The following DAB1 variants were observed in gnomAD, a reference collection of about 807,000 sequenced individuals.
DAB1 encodes disabled homolog 1.
Under a neutral mutation model 64.6 loss-of-function variants are expected in DAB1, and 15 were observed. The observed-to-expected ratio is 0.23, with a 90% CI of 0.16 to 0.36. The LOEUF (loss-of-function observed/expected upper bound fraction) is 0.36. Ranked by LOEUF, DAB1 falls within the 10% of genes least tolerant of loss-of-function variation. DAB1 has a pLI of 1.00. For synonymous variants in DAB1, 235 were observed against 251.9 expected (o/e 0.93, Z 0.64); for missense variants, 596 against 706.7 (o/e 0.84, Z 1.78).
chr1:57,716,763 C>T (rs975669500), intron 6 of DAB1, among the ~76,000 whole-genome samples: 2 of 152,118 alleles, frequency 1.3e-5, no homozygotes, highest in African/African-American at 4.8e-5. Flanking sequence ...AGCTTCTGCA[C>T]AGCAAAGAAA....
rs1031275231 is a variant in DAB1, at chr1:56,997,233, A to G, written c.*911T>C. ...GCAAGATATCGGAAAAATAAAAAAT[A>G]TCATTTTATTGTACTTAGAGTTTAG... On this transcript the variant is annotated 3_prime_UTR_variant, in exon 15 of 15. Transcript: ENST00000371236. The G allele has an allele frequency of 6.6e-6, 1 of 152,232 alleles. No individual in the cohort carries two copies. The highest frequency in any genetic ancestry group is 1.5e-5 in the Non-Finnish European group (1 of 68,040). 9.4% of individuals were successfully genotyped at this position (152,232 alleles called of 1,614,324 possible).
intron 6 of DAB1, among the ~76,000 whole-genome samples, chr1:57,669,210 A>T (rs1436460643): frequency 6.6e-6 from 1 of 152,168 alleles, no homozygotes; most frequent in Non-Finnish European, 1.5e-5. Flanking sequence ...CTGAGAAAGA[A>T]AGATGAGACA....
Position 56,996,489 on chromosome 1 carries a change from T to TA in DAB1, c.*1654dup, listed in dbSNP as rs1204481558. On this transcript the variant is annotated 3_prime_UTR_variant, in exon 15 of 15. Coordinates refer to ENST00000371236, the MANE Select transcript of DAB1 (RefSeq NM_001365792.1). Reference sequence around the variant, plus strand: ...CACTGCACTTTTTGTCTCATAAGTGTAAAAAAAGGAAGCTTAGCCTCTTCT... The same window carrying TA: ...CACTGCACTTTTTGTCTCATAAGTGTAAAAAAAAGGAAGCTTAGCCTCTTCT... The TA allele has an allele frequency of 6.6e-6, 1 of 152,182 alleles. No homozygotes were observed. Among genetic ancestry groups the TA allele is most frequent in the Non-Finnish European group, 1.5e-5 (1 of 68,030 alleles). The allele number at this position is 152,182 out of a possible 1,614,324, so 9.4% of individuals were successfully genotyped here. A position where few individuals can be genotyped will look rare whatever the true frequency, so the allele number is the denominator to read the frequency against.
chr1:57,845,576 T>C (rs1383144242), intron 1 of DAB1, among the ~76,000 whole-genome samples: 1 of 152,174 alleles, frequency 6.6e-6, no homozygotes, highest in African/African-American at 2.4e-5. Flanking sequence ...GGAAACTCAG[T>C]TTTTGATATC....
chr1:57,750,031 A>G (rs1428488690), intron 6 of DAB1, among the ~76,000 whole-genome samples: 1 of 152,110 alleles, frequency 6.6e-6, no homozygotes, highest in Non-Finnish European at 1.5e-5. Flanking sequence ...GGTAAGGAAA[A>G]TAAGGATGGA....
At chr1:57,439,418 GTTTTTTCTT>G (rs538565751) in intron 7 of DAB1, among the ~76,000 whole-genome samples, 3,208 of 115,884 alleles carry the variant, frequency 0.028, 185 homozygotes, top group South Asian at 0.05. Context: ...TGGTGATGAG[GTTTTTTCTT>G]TTTTTTTTTT....
rs1005989740 is a variant in DAB1 at position 57,432,078 on chromosome 1, C to T, written n.626-140912G>A. On this transcript the variant is annotated intron_variant and non_coding_transcript_variant, in intron 7 of 20. Transcript: ENST00000485760. ...CGGAGGTTGCAGTGAGCTGAGATTA[C>T]ACCACCGCACTCCATCCTGGGCAAC... 4.7e-5 allele frequency among the ~76,000 whole-genome samples: 7 copies of T among 148,194 alleles called. No individual in the cohort carries two copies. The South Asian group carries it at 8.5e-4, about 18-fold the overall frequency.
At chr1:57,317,795 A>G (rs1478202090) in intron 1 of DAB1, among the ~76,000 whole-genome samples, 1 of 152,124 alleles carries the variant, frequency 6.6e-6, no homozygotes, top group African/African-American at 2.4e-5. Flanking sequence ...CACTAGTCTA[A>G]TATGAAGTTT....
Position 58,497,513 on chromosome 1 carries a change from G to A in DAB1, n.257+8547C>T, listed in dbSNP as rs140031194. 4.6e-5 allele frequency among the ~76,000 whole-genome samples: 7 copies of A among 152,228 alleles called. No individual in the cohort carries two copies. In the East Asian group the frequency reaches 7.7e-4, roughly 17 times the overall value. On this transcript the variant is annotated intron_variant and non_coding_transcript_variant, in intron 3 of 20. Transcript: ENST00000485760. ...ATATCATTCCAAAATAAGACTCCAG[G>A]AGACCAGACTATGCCACCCCAAATA... is the stretch of plus-strand genomic sequence containing the variant.
chr1:57,717,115 T>C (rs1647093104), intron 6 of DAB1, among the ~76,000 whole-genome samples: 1 of 151,880 alleles, frequency 6.6e-6, no homozygotes, highest in Admixed American at 6.6e-5. Flanking sequence ...GGTGGGCGCC[T>C]GTAATCCCAG....
chr1:57,844,742 G>A (rs1653205532), intron 1 of DAB1, among the ~76,000 whole-genome samples: 1 of 152,166 alleles, frequency 6.6e-6, no homozygotes, highest in Admixed American at 6.5e-5. Context: ...CAGGAAGAGA[G>A]AGATACTGGG....
rs201840541 is a variant in DAB1, at chr1:58,154,449, GTTC to G, written n.310-3864_310-3862del. Among the ~76,000 whole-genome samples the G allele has an allele frequency of 4.2e-4, 58 of 138,492 alleles. 1 individual carries two copies. The East Asian group carries it at 9.6e-3, about 23-fold the overall frequency. 90.9% of individuals were successfully genotyped at this position (138,492 alleles called of 152,430 possible). On this transcript the variant is annotated intron_variant and non_coding_transcript_variant, in intron 4 of 20. Transcript: ENST00000485760. ...ACAGACAGGAGTCCTGTGTCATGCAGTTCTTCATTCATTCATTCATTCATTCAT... is the reference window on the plus strand; with the variant it reads ...ACAGACAGGAGTCCTGTGTCATGCAGTTCATTCATTCATTCATTCATTCAT...
intron 6 of DAB1, among the ~76,000 whole-genome samples, chr1:57,780,422 G>A (rs1196168103): frequency 1.3e-5 from 2 of 152,106 alleles, no homozygotes; most frequent in Non-Finnish European, 2.9e-5. Flanking sequence ...AGAGAGGGCT[G>A]TTGTCTTGGG....
intron 1 of DAB1, among the ~76,000 whole-genome samples, chr1:57,298,604 G>A (rs1029975118): frequency 5.9e-5 from 9 of 151,988 alleles, no homozygotes; most frequent in Non-Finnish European, 8.8e-5. Flanking sequence ...TCATCTTCAC[G>A]ATGTGGCATT....
intron 1 of DAB1, among the ~76,000 whole-genome samples, chr1:57,394,702 C>A (rs1001634305): frequency 6.6e-6 from 1 of 152,172 alleles, no homozygotes; most frequent in Non-Finnish European, 1.5e-5. Flanking sequence ...TTCATGTCTA[C>A]AAAAGACCAA....
chr1:57,485,943 C>CT (rs897976715), intron 7 of DAB1, among the ~76,000 whole-genome samples: 5 of 152,148 alleles, frequency 3.3e-5, no homozygotes, highest in African/African-American at 9.7e-5. Flanking sequence ...TGCTGCATTT[C>CT]TTTTTTTCAG....
intron 1 of DAB1, among the ~76,000 whole-genome samples, chr1:57,293,766 A>T (rs1672971412): frequency 6.6e-6 from 1 of 152,014 alleles, no homozygotes; most frequent in East Asian, 1.9e-4. Context: ...ATTTTCAAGA[A>T]TTTTTTAAAA....
intron 6 of DAB1, among the ~76,000 whole-genome samples, chr1:57,776,359 T>C (rs968167469): frequency 2.6e-5 from 4 of 151,808 alleles, no homozygotes; most frequent in Non-Finnish European, 5.9e-5. Flanking sequence ...ACTTAGCCTA[T>C]AGTTAGGTCT....
intron 5 of DAB1, among the ~76,000 whole-genome samples, chr1:57,918,055 G>A (rs1022843745): frequency 2.7e-5 from 4 of 147,580 alleles, no homozygotes; most frequent in Non-Finnish European, 5.9e-5. Context: ...GTGACAGAGT[G>A]AGACTCCGTC....
Sources: allele counts gnomAD v4.1 joint callset (sites outside exome capture counted in the v4.1 genomes callset), GRCh38; gene constraint gnomAD v4.1.1; transcripts MANE v1.5; gene names NCBI Gene and HGNC (gene_info 2026-07-23, HGNC 2026-07-21).